The following PTPRT variants were observed in gnomAD, a reference collection of about 807,000 sequenced individuals.
The protein encoded by PTPRT is protein tyrosine phosphatase receptor type T.
Under a neutral mutation model 176.8 loss-of-function variants are expected in PTPRT, and 56 were observed. The ratio of observed to expected loss-of-function variants is 0.32; its 90% CI spans 0.26 to 0.40. The LOEUF (loss-of-function observed/expected upper bound fraction) is 0.40, where lower values mean the gene tolerates loss of function less well. Ranked by LOEUF, PTPRT falls within the 10% of genes least tolerant of loss-of-function variation. PTPRT has a pLI of 1.00. For missense variants in PTPRT, 1,540 were observed against 1,908.2 expected (o/e 0.81, Z 3.60); for synonymous variants, 783 against 739.0 (o/e 1.06, Z -0.96).
At chr20:42,885,353 GATA>G (rs1044287225) in intron 2 of PTPRT, among the ~76,000 whole-genome samples, 217 of 147,054 alleles carry the variant, frequency 1.5e-3, no homozygotes, top group African/African-American at 4.8e-3. Context: ...CACAATAATA[GATA>G]ATAATATGAT....
chr20:42,520,422 CTTCTT>C (rs1293181547), intron 7 of PTPRT, among the ~76,000 whole-genome samples: 1 of 152,082 alleles, frequency 6.6e-6, no homozygotes, highest in Non-Finnish European at 1.5e-5. Flanking sequence ...TAACCCCTTT[CTTCTT>C]TTATTTATAG....
chr20:42,975,098 T>A (rs13044516), intron 1 of PTPRT, among the ~76,000 whole-genome samples: 104 of 152,172 alleles, frequency 6.8e-4, no homozygotes, highest in Non-Finnish European at 1.4e-3. Context: ...CTGTGGAATA[T>A]CTGATATAGA....
At chr20:42,520,906 C>A (rs2072161758) in intron 7 of PTPRT, among the ~76,000 whole-genome samples, 1 of 151,312 alleles carries the variant, frequency 6.6e-6, no homozygotes, top group Non-Finnish European at 1.5e-5. Flanking sequence ...TGCCTAAACA[C>A]AAACCCATAT....
chr20:42,697,081 G>T (rs2075891940), intron 6 of PTPRT, among the ~76,000 whole-genome samples: 2 of 152,058 alleles, frequency 1.3e-5, no homozygotes, highest in South Asian at 4.1e-4. Flanking sequence ...GTCTTAGCTT[G>T]AAGTTAATAT....
chr20:42,361,281 T>A (rs1254938829), intron 9 of PTPRT, among the ~76,000 whole-genome samples: 2 of 152,144 alleles, frequency 1.3e-5, no homozygotes, highest in Non-Finnish European at 2.9e-5. Flanking sequence ...AGGCCCAAGG[T>A]GGTGAAGGTC....
the PTPRT span, among the ~76,000 whole-genome samples, chr20:42,032,437 A>C: frequency 6.6e-6 from 1 of 152,204 alleles, no homozygotes; most frequent in East Asian, 1.9e-4. Flanking sequence ...GATGTTTAGC[A>C]AGTCACAGAT....
chr20:42,515,988 G>A (rs1267971430), intron 7 of PTPRT, among the ~76,000 whole-genome samples: 3 of 148,762 alleles, frequency 2.0e-5, no homozygotes, highest in Non-Finnish European at 3.0e-5. Context: ...ATCATTCTCA[G>A]TAAACTATCA....
chr20:42,625,674 A>G (rs772115711), intron 7 of PTPRT, among the ~76,000 whole-genome samples: 10 of 152,072 alleles, frequency 6.6e-5, no homozygotes, highest in Admixed American at 1.3e-4. Flanking sequence ...TATAATTCTC[A>G]GAGGAACATT....
At chr20:42,207,047 G>A (rs1040619185) in intron 15 of PTPRT, among the ~76,000 whole-genome samples, 1 of 152,078 alleles carries the variant, frequency 6.6e-6, no homozygotes, top group Non-Finnish European at 1.5e-5. Flanking sequence ...CACCTCACAA[G>A]GCAGGGTATT....
chr20:42,684,493 G>C (rs1253533317), intron 6 of PTPRT, among the ~76,000 whole-genome samples: 3 of 152,304 alleles, frequency 2.0e-5, no homozygotes, highest in Non-Finnish European at 4.4e-5. Context: ...AGATGAAAAA[G>C]AACAAGAAGT....
At chr20:42,376,881 C>T (rs1259379110) in intron 9 of PTPRT, among the ~76,000 whole-genome samples, 2 of 151,912 alleles carry the variant, frequency 1.3e-5, no homozygotes, top group Non-Finnish European at 2.9e-5. Flanking sequence ...TTGAAAGGCG[C>T]GATAAGGAAG....
intron 16 of PTPRT, among the ~76,000 whole-genome samples, chr20:42,172,250 A>G (rs1206566144): frequency 3.9e-5 from 6 of 152,224 alleles, no homozygotes; most frequent in African/African-American, 1.4e-4. Context: ...AACACAAGTT[A>G]AAGATACAGC....
chr20:42,740,312 A>G (rs1016077869), intron 6 of PTPRT, among the ~76,000 whole-genome samples: 1 of 152,166 alleles, frequency 6.6e-6, no homozygotes, highest in African/African-American at 2.4e-5. Flanking sequence ...CTGCACAGAG[A>G]CAGCTCCATG....
the PTPRT span, among the ~76,000 whole-genome samples, chr20:42,048,601 C>G: frequency 6.6e-6 from 1 of 152,068 alleles, no homozygotes; most frequent in Non-Finnish European, 1.5e-5. Flanking sequence ...AGTGTGTTCC[C>G]TACTGACAGC....
At chr20:43,033,219 G>T (rs888122999) in intron 1 of PTPRT, among the ~76,000 whole-genome samples, 3 of 152,156 alleles carry the variant, frequency 2.0e-5, no homozygotes, top group Non-Finnish European at 2.9e-5. Flanking sequence ...CATGTCAGTA[G>T]ATGTGAAGAC....
intron 16 of PTPRT, among the ~76,000 whole-genome samples, chr20:42,176,045 T>C (rs79578454): frequency 6.6e-6 from 1 of 152,268 alleles, no homozygotes; most frequent in East Asian, 1.9e-4. Context: ...ATTACTATAG[T>C]TATTGAATAA....
At chr20:42,546,390 G>A (rs769757046) in intron 7 of PTPRT, among the ~76,000 whole-genome samples, 8 of 151,988 alleles carry the variant, frequency 5.3e-5, no homozygotes, top group Non-Finnish European at 8.8e-5. Flanking sequence ...GTTGAAGTAC[G>A]GCCACTGGGA....
chr20:43,006,581 G>A (rs556307646), intron 1 of PTPRT, among the ~76,000 whole-genome samples: 71 of 152,184 alleles, frequency 4.7e-4, no homozygotes, highest in Non-Finnish European at 8.8e-4. Context: ...TATTCTCCCC[G>A]GGGGCTGTCT....
chr20:42,864,193 G>A (rs2078706564), intron 2 of PTPRT, among the ~76,000 whole-genome samples: 1 of 152,224 alleles, frequency 6.6e-6, no homozygotes, highest in South Asian at 2.1e-4. Context: ...CTTCTGCTGA[G>A]TCTCAGTAAG....
Sources: allele counts gnomAD v4.1 joint callset (sites outside exome capture counted in the v4.1 genomes callset), GRCh38; gene constraint gnomAD v4.1.1; transcripts MANE v1.5; gene names NCBI Gene and HGNC (gene_info 2026-07-23, HGNC 2026-07-21).